The following MAP3K19 variants were observed in gnomAD, a reference collection of about 807,000 sequenced individuals.
The protein encoded by MAP3K19 is mitogen-activated protein kinase kinase kinase 19, also known as SPS1/STE20-related protein kinase YSK4.
Under a neutral mutation model 114.4 loss-of-function variants are expected in MAP3K19, and 91 were observed. The ratio of observed to expected loss-of-function variants is 0.80; its 90% CI spans 0.67 to 0.95. The LOEUF (loss-of-function observed/expected upper bound fraction) is 0.95. Among genes scored for constraint, MAP3K19 ranks in the 40% least tolerant of loss-of-function variants. The pLI is 0.00. For synonymous variants in MAP3K19, 518 were observed against 530.5 expected (o/e 0.98, Z 0.32); for missense variants, 1,471 against 1,573.2 (o/e 0.94, Z 1.10).
intron 8 of MAP3K19, among the ~76,000 whole-genome samples, chr2:134,997,389 A>G (rs1380036074): frequency 6.6e-6 from 1 of 152,220 alleles, no homozygotes; most frequent in Non-Finnish European, 1.5e-5. Flanking sequence ...CAGTTTTGCA[A>G]GAAGAAAATG....
intron 6 of MAP3K19, among the ~76,000 whole-genome samples, chr2:135,004,978 G>A (rs937742842): frequency 5.3e-5 from 8 of 152,122 alleles, no homozygotes; most frequent in African/African-American, 1.9e-4. Context: ...GGAATGGGTC[G>A]GCTGAGCTGG....
chr2:135,027,383 AAAAAGAAAGAAAG>A (rs200588187), intron 3 of MAP3K19, among the ~76,000 whole-genome samples: 8,657 of 151,218 alleles, frequency 0.057, 471 homozygotes, highest in African/African-American at 0.15. Flanking sequence ...GAAAGAAAGA[AAAAAGAAAGAAAG>A]AAAAGAAAGA....
chr2:134,985,688 C>A, intron 10 of MAP3K19, 112 bp downstream of exon 10: 1 of 977,616 alleles, frequency 1.0e-6, no homozygotes, highest in Non-Finnish European at 1.5e-6. Flanking sequence ...CTTGAAAAAA[C>A]TATTTAATTG....
intron 8 of MAP3K19, among the ~76,000 whole-genome samples, chr2:134,992,991 T>G (rs1235113849): frequency 1.3e-5 from 2 of 152,106 alleles, no homozygotes; most frequent in East Asian, 3.8e-4. Context: ...AGCTGCAGGT[T>G]TTATGTGAAA....
intron 5 of MAP3K19, among the ~76,000 whole-genome samples, chr2:135,017,084 A>G (rs973577880): frequency 1.3e-5 from 2 of 151,940 alleles, no homozygotes; most frequent in Admixed American, 1.3e-4. Context: ...GCTACTTTTC[A>G]TATTGGAGGC....
chr2:135,014,849 G>A (rs1420774967), intron 5 of MAP3K19, among the ~76,000 whole-genome samples: 1 of 152,152 alleles, frequency 6.6e-6, no homozygotes, highest in African/African-American at 2.4e-5. Context: ...AGATTCATCT[G>A]TATTTTTGCA....
chr2:135,024,681 C>G lies in MAP3K19; in HGVS notation c.-34G>C, dbSNP rs185719580. Reference sequence around the variant, plus strand: ...CCAAAAGCTGCTGTTTCTTTGAACTCTCTATTTGTGACACATAATGTATTG... The same window carrying G: ...CCAAAAGCTGCTGTTTCTTTGAACTGTCTATTTGTGACACATAATGTATTG... On this transcript the variant is annotated 5_prime_UTR_variant, in exon 4 of 13. Transcript: ENST00000392915. 6.2e-7 allele frequency: 1 copy of G among 1,604,738 alleles called. No homozygotes were observed. The highest frequency in any genetic ancestry group is 8.5e-7 in the Non-Finnish European group (1 of 1,171,906).
In MAP3K19 at chr2:134,986,997, C is replaced by T. The variant is rs1399533951; in HGVS notation, c.1875G>A (p.Lys625=). ...GTTGAACAGAGAGAGGAACACATGACTTCTGTGTTCCTGGATTTTTACAGA... is the reference window on the plus strand; with the variant it reads ...GTTGAACAGAGAGAGGAACACATGATTTCTGTGTTCCTGGATTTTTACAGA... ...PCICKNPGTQ[K]SCVPLSVQPT... Residue 625 remains lysine (K), a synonymous_variant, in exon 10 of 13, where the codon AAG becomes AAA. Transcript: ENST00000392915. The T allele has an allele frequency of 1.9e-6, 3 of 1,613,408 alleles. No individual in the cohort carries two copies. Among genetic ancestry groups the T allele is most frequent in the Non-Finnish European group, 2.5e-6 (3 of 1,179,984 alleles).
chr2:135,030,130 A>G (rs528928999), intron 3 of MAP3K19, among the ~76,000 whole-genome samples, 182 bp downstream of exon 3: 11 of 152,114 alleles, frequency 7.2e-5, no homozygotes, highest in African/African-American at 1.9e-4. Context: ...GTGTTCTTTT[A>G]TTATCTTGTT....
Position 134,986,204 on chromosome 2 carries a change from C to T in MAP3K19, c.2668G>A (p.Asp890Asn). 1 of 1,613,836 alleles carries T rather than the reference C, an allele frequency of 6.2e-7. No homozygotes were observed. Among genetic ancestry groups the T allele is most frequent in the Non-Finnish European group, 8.5e-7 (1 of 1,179,924 alleles). The change falls in exon 10 of 13, where the codon GAT becomes AAT. Residue 890 changes from aspartate to asparagine, a missense_variant. By Grantham distance (23) the Asp-to-Asn change is conservative. Coordinates refer to ENST00000392915, the MANE Select transcript of MAP3K19 (RefSeq NM_025052.5). ...TCTGAAACACTATCAAACTCTAGAT[C>T]ATTAGTTAAAATTCGGCTGGCATTT... ...KVNASRILTN[D>N]LEFDSVSDHS...
At chr2:135,010,759 A>G (rs973267640) in intron 5 of MAP3K19, among the ~76,000 whole-genome samples, 1 of 152,106 alleles carries the variant, frequency 6.6e-6, no homozygotes, top group East Asian at 1.9e-4. Context: ...TCCAGGAAGT[A>G]ACTGGAACTA....
At chr2:135,045,899 A>C (rs529794581) in intron 1 of MAP3K19, among the ~76,000 whole-genome samples, 4 of 151,146 alleles carry the variant, frequency 2.6e-5, no homozygotes, top group African/African-American at 9.9e-5. Context: ...TCATTCTTTT[A>C]GTTAACATGC....
In MAP3K19 at chr2:134,986,457, T is replaced by A; in HGVS notation, c.2415A>T (p.Ser805=). ...SMKQNEFPPV[S]DLSIVEEVSM... is the part of the protein sequence containing the mutation. ...AAACTTCTTCAACAATGGATAAATC[T>A]GAGACAGGAGGGAATTCATTCTGTT... Residue 805 remains serine, a synonymous_variant, in exon 10 of 13, where the codon TCA becomes TCT. Coordinates refer to ENST00000392915, the MANE Select transcript of MAP3K19 (RefSeq NM_025052.5). 6.2e-7 allele frequency: 1 copy of A among 1,614,124 alleles called. No homozygotes were observed. The highest frequency in any genetic ancestry group is 1.1e-5 in the South Asian group (1 of 91,074).
chr2:135,022,764 A>G (rs937473341), intron 4 of MAP3K19, among the ~76,000 whole-genome samples: 1 of 152,208 alleles, frequency 6.6e-6, no homozygotes, highest in Admixed American at 6.5e-5. Context: ...AACAGTTATC[A>G]CTTCAAATGT....
At chr2:135,005,166 G>A (rs967983723) in intron 6 of MAP3K19, among the ~76,000 whole-genome samples, 1 of 152,086 alleles carries the variant, frequency 6.6e-6, no homozygotes, top group Non-Finnish European at 1.5e-5. Context: ...TTTATTGCAA[G>A]AGTTAAGCTC....
At chr2:135,026,698 T>C (rs1278156607) in intron 3 of MAP3K19, among the ~76,000 whole-genome samples, 2 of 152,214 alleles carry the variant, frequency 1.3e-5, no homozygotes, top group South Asian at 2.1e-4. Flanking sequence ...ATTTGACATA[T>C]AGTAATTTTA....
rs143827810 is a variant in MAP3K19, at chr2:134,994,271, T to C, written c.575-2691A>G. Among the ~76,000 whole-genome samples, 11 of 152,320 alleles carry C rather than the reference T, an allele frequency of 7.2e-5. No homozygotes were observed. The East Asian group carries it at 2.1e-3, about 29-fold the overall frequency. On this transcript the variant is annotated intron_variant, in intron 8 of 12. Transcript: ENST00000392915. ...AGCTTTCTGTGTTCTGCCCAATGCT[T>C]GCAAGGGGACAGCCCAACCAGAAAT...
Position 134,983,759 on chromosome 2 carries a change from T to C in MAP3K19, c.3139A>G (p.Ile1047Val). ...EKFLISNEKK[I>V]FSENSLKSEE... ...GACTTTAAACTATTTTCAGAAAATA[T>C]CTTCTTTTCATTTGAGATGAGAAAT... is the stretch of plus-strand genomic sequence containing the variant. Residue 1047 changes from isoleucine to valine, a missense_variant, in exon 11 of 13, where the codon ATA (isoleucine) becomes GTA (valine). Coordinates refer to ENST00000392915, the MANE Select transcript of MAP3K19 (RefSeq NM_025052.5). The C allele has an allele frequency of 7.5e-6, 12 of 1,606,854 alleles. No individual in the cohort carries two copies. The highest frequency in any genetic ancestry group is 1.1e-5 in the South Asian group (1 of 90,178).
intron 5 of MAP3K19, among the ~76,000 whole-genome samples, chr2:135,018,514 T>A (rs1687747922): frequency 6.6e-6 from 1 of 152,084 alleles, no homozygotes; most frequent in Non-Finnish European, 1.5e-5. Context: ...TTTTTAAAAG[T>A]TCTTGTAGAG....
Sources: allele counts gnomAD v4.1 joint callset (sites outside exome capture counted in the v4.1 genomes callset), GRCh38; gene constraint gnomAD v4.1.1; transcripts MANE v1.5; gene names NCBI Gene and HGNC (gene_info 2026-07-23, HGNC 2026-07-21).